MALT1: variants seen among roughly 807,000 people sequenced by gnomAD.
The protein encoded by MALT1 is mucosa-associated lymphoid tissue lymphoma translocation protein 1.
MALT1 carries 36 observed loss-of-function variants against 85.5 expected under a neutral mutation model. That is an observed-to-expected ratio of 0.42 (90% confidence interval 0.32 to 0.56). The LOEUF (loss-of-function observed/expected upper bound fraction) is 0.56. Ranked by LOEUF, MALT1 falls within the 20% of genes least tolerant of loss-of-function variation. The pLI is 0.10. For synonymous variants in MALT1, 359 were observed against 361.3 expected (o/e 0.99, Z 0.07); for missense variants, 716 against 981.6 (o/e 0.73, Z 3.62).
chr18:58,741,790 A>G, intron 13 of MALT1, 75 bp from the exon 14 acceptor site: 1 of 856,316 alleles, frequency 1.2e-6, no homozygotes, highest in Non-Finnish European at 1.7e-6. Flanking sequence ...ATAATGTAGG[A>G]TAGTTCTTAG....
At position 58,750,055 on chromosome 18, in the gene MALT1, A is replaced by C. The variant is rs555876984; in HGVS notation, c.*2213A>C. On this transcript the variant is annotated 3_prime_UTR_variant, in exon 17 of 17. Coordinates refer to ENST00000649217, the MANE Select transcript of MALT1 (RefSeq NM_006785.4). ...AGGTTTATACTGCAAAAGAAGTGAAACTATATGTATTCACAGTTGATACAT... is the reference window on the plus strand; with the variant it reads ...AGGTTTATACTGCAAAAGAAGTGAACCTATATGTATTCACAGTTGATACAT... The C allele has an allele frequency of 5.2e-6, 1 of 194,004 alleles. No homozygotes were observed. Among genetic ancestry groups the C allele is most frequent in the African/African-American group, 2.3e-5 (1 of 43,180 alleles). The allele number at this position is 194,004 out of a possible 1,614,324, so 12.0% of individuals were successfully genotyped here. A position where few individuals can be genotyped will look rare whatever the true frequency, so the allele number is the denominator to read the frequency against.
chr18:58,697,558 A>T (rs2054607961), intron 3 of MALT1, among the ~76,000 whole-genome samples: 1 of 152,180 alleles, frequency 6.6e-6, no homozygotes, highest in South Asian at 2.1e-4. Flanking sequence ...ACCTAAAGGT[A>T]TTTTTTTATC....
rs760569041 is a variant in MALT1 at position 58,733,548 on chromosome 18, G to A, written c.1374G>A (p.Val458=). 12 of 1,605,868 alleles carry A rather than the reference G, an allele frequency of 7.5e-6. No homozygotes were observed. The highest frequency in any genetic ancestry group is 1.1e-5 in the South Asian group (1 of 89,180). ...AAGAAAAAGAAACTGGACTTAATGT[G>A]TTCTTATTGGATATGTGTAGGAAAA... The part of the protein sequence containing the change: ...LMQEKETGLN[V]FLLDMCRKRN... Residue 458 remains valine, a synonymous_variant, in exon 11 of 17, where the codon GTG becomes GTA. Coordinates refer to ENST00000649217, the MANE Select transcript of MALT1 (RefSeq NM_006785.4).
chr18:58,708,053 C>T (rs1473481378), intron 4 of MALT1, among the ~76,000 whole-genome samples: 2 of 152,158 alleles, frequency 1.3e-5, no homozygotes, highest in Non-Finnish European at 2.9e-5. Flanking sequence ...GGGTCTGAGA[C>T]CCCCCTGCCT....
chr18:58,749,380 GGTGTCAGAGCTGAAATT>G lies in MALT1; in HGVS notation c.*1539_*1555del, dbSNP rs1481579647. The stretch of plus-strand genomic sequence containing the variant: ...ACATGCCTGAGGCACCCCCCTAACA[GGTGTCAGAGCTGAAATT>G]CAAACCCCATCCAGCTGGCCCCGGA... On this transcript the variant is annotated 3_prime_UTR_variant, in exon 17 of 17. Coordinates refer to ENST00000649217, the MANE Select transcript of MALT1 (RefSeq NM_006785.4). 9 of 216,672 alleles carry G rather than the reference GGTGTCAGAGCTGAAATT, an allele frequency of 4.2e-5. No homozygotes were observed. Among genetic ancestry groups the G allele is most frequent in the Non-Finnish European group, 6.5e-5 (7 of 107,668 alleles). The allele number at this position is 216,672 out of a possible 1,614,324, so 13.4% of individuals were successfully genotyped here. A position where few individuals can be genotyped will look rare whatever the true frequency, so the allele number is the denominator to read the frequency against.
chr18:58,693,342 C>T (rs564684422), intron 2 of MALT1, among the ~76,000 whole-genome samples: 19 of 152,256 alleles, frequency 1.2e-4, no homozygotes, highest in African/African-American at 4.1e-4. Context: ...GAATTGCTTA[C>T]ACCTGGAAGG....
At chr18:58,727,953 T>C (rs2055087871) in intron 10 of MALT1, among the ~76,000 whole-genome samples, 1 of 152,090 alleles carries the variant, frequency 6.6e-6, no homozygotes, top group Non-Finnish European at 1.5e-5. Flanking sequence ...TAGTGACCTT[T>C]CTTGGAACCG....
chr18:58,752,706 G>A lies in MALT1; in HGVS notation c.*4864G>A, dbSNP rs1949711228. 6.6e-6 allele frequency: 1 copy of A among 152,138 alleles called. No homozygotes were observed. The highest frequency in any genetic ancestry group is 1.5e-5 in the Non-Finnish European group (1 of 68,054). 9.4% of individuals were successfully genotyped at this position (152,138 alleles called of 1,614,324 possible). On this transcript the variant is annotated 3_prime_UTR_variant, in exon 17 of 17. Coordinates refer to ENST00000649217, the MANE Select transcript of MALT1 (RefSeq NM_006785.4). Reference sequence around the variant, plus strand: ...TCCCAGCTACTCAGGAGGCTGAAGTGGGACGATCGCTTGAGCCCAGAAGGC... The same window carrying A: ...TCCCAGCTACTCAGGAGGCTGAAGTAGGACGATCGCTTGAGCCCAGAAGGC...
intron 4 of MALT1, among the ~76,000 whole-genome samples, chr18:58,707,534 T>C (rs897718269): frequency 6.6e-6 from 1 of 152,152 alleles, no homozygotes; most frequent in Admixed American, 6.5e-5. Context: ...CGTTAACCTG[T>C]CATCTACATT....
In MALT1 at chr18:58,710,911, C is replaced by A; in HGVS notation, c.926-10C>A. 6.3e-7 allele frequency: 1 copy of A among 1,584,360 alleles called. No homozygotes were observed. The highest frequency in any genetic ancestry group is 1.4e-5 in the African/African-American group (1 of 73,302). ...TACAATATATTCAAATTTGTTTTTT[C>A]TGAAACAAGGAAGAACAGATGAGGC... On this transcript the variant is annotated splice_polypyrimidine_tract_variant and intron_variant, in intron 6 of 16. Transcript: ENST00000649217.
chr18:58,696,597 T>C (rs1018055575), intron 3 of MALT1, 110 bp downstream of exon 3: 5 of 838,206 alleles, frequency 6.0e-6, no homozygotes, highest in Non-Finnish European at 8.7e-6. Flanking sequence ...AAGAGTCTGA[T>C]AGACATTGCT....
rs557195977 is a variant in MALT1, at chr18:58,745,868, A to T, written c.2037+77A>T. 2.9e-4 allele frequency: 383 copies of T among 1,301,990 alleles called. 2 individuals carry two copies. Among genetic ancestry groups the T allele is most frequent in the Middle Eastern group, 2.7e-3 (14 of 5,274 alleles). 80.7% of individuals were successfully genotyped at this position (1,301,990 alleles called of 1,614,324 possible). On this transcript the variant is annotated intron_variant, in intron 16 of 16. Coordinates refer to ENST00000649217, the MANE Select transcript of MALT1 (RefSeq NM_006785.4). ...AAACTTATTTTGGCATAGACCATAG[A>T]TATGCTGCCTTATTATTAAAGTAGA...
Position 58,748,393 on chromosome 18 carries a change from A to ATAT in MALT1, c.*551_*552insTAT, listed in dbSNP as rs1325792977. ...AGTGAAATATATTTATATATATATAAATATATACAGATACATATCTGTGTA... is the reference window on the plus strand; with the variant it reads ...AGTGAAATATATTTATATATATATAATATATATATACAGATACATATCTGTGTA... On this transcript the variant is annotated 3_prime_UTR_variant, in exon 17 of 17. Coordinates refer to ENST00000649217, the MANE Select transcript of MALT1 (RefSeq NM_006785.4). 47 of 177,966 alleles carry ATAT rather than the reference A, an allele frequency of 2.6e-4. No individual in the cohort carries two copies. Among genetic ancestry groups the ATAT allele is most frequent in the African/African-American group, 9.4e-4 (40 of 42,466 alleles). The allele number at this position is 177,966 out of a possible 1,614,324, so 11.0% of individuals were successfully genotyped here. A position where few individuals can be genotyped will look rare whatever the true frequency, so the allele number is the denominator to read the frequency against.
chr18:58,710,451 A>G (rs1043808554), intron 6 of MALT1, among the ~76,000 whole-genome samples: 3 of 152,054 alleles, frequency 2.0e-5, no homozygotes, highest in African/African-American at 7.2e-5. Context: ...TTGGAGGCCA[A>G]AGGTTGGTGG....
Position 58,681,280 on chromosome 18 carries a change from G to A in MALT1, c.320G>A (p.Ser107Asn). Reference protein sequence around the residue: ...GEKGCTVTELSDFLQAMEHTE... With the variant: ...GEKGCTVTELNDFLQAMEHTE... ...AAAGGTTGCACAGTCACAGAATTGA[G>A]TGATTTCCTGCAGGCTATGGAACAC... The change falls in exon 2 of 17, where the codon AGT becomes AAT. Residue 107 changes from serine (S) to asparagine (N), a missense_variant. Transcript: ENST00000649217. 6.2e-7 allele frequency: 1 copy of A among 1,614,172 alleles called. No individual in the cohort carries two copies. Among genetic ancestry groups the A allele is most frequent in the Non-Finnish European group, 8.5e-7 (1 of 1,180,026 alleles).
intron 9 of MALT1, among the ~76,000 whole-genome samples, chr18:58,722,221 A>G (rs11876116): frequency 1.0e-3 from 155 of 152,066 alleles, no homozygotes; most frequent in African/African-American, 3.3e-3. Context: ...CCTCATAAGC[A>G]CTAAGCTAGG....
At position 58,700,612 on chromosome 18, in the gene MALT1, A is replaced by C. The variant is rs768940563; in HGVS notation, c.649+21A>C. The C allele has an allele frequency of 2.5e-6, 4 of 1,570,178 alleles. No homozygotes were observed. In the East Asian group the frequency reaches 6.9e-5, roughly 27 times the overall value. On this transcript the variant is annotated intron_variant, in intron 4 of 16. Coordinates refer to ENST00000649217, the MANE Select transcript of MALT1 (RefSeq NM_006785.4). ...CCAGAGTAAGTAACGAAAGAAGCTGAATGTTGGGATGGGGATTCCCCATAT... is the reference window on the plus strand; with the variant it reads ...CCAGAGTAAGTAACGAAAGAAGCTGCATGTTGGGATGGGGATTCCCCATAT...
At chr18:58,740,452 T>TA (rs2055286607) in intron 13 of MALT1, among the ~76,000 whole-genome samples, 1 of 152,122 alleles carries the variant, frequency 6.6e-6, no homozygotes, top group African/African-American at 2.4e-5. Context: ...ACATTTCTCT[T>TA]AAAACATCAC....
Position 58,671,686 on chromosome 18 carries a change from G to A in MALT1, c.43G>A (p.Ala15Thr). The A allele has an allele frequency of 1.6e-6, 2 of 1,250,362 alleles. No individual in the cohort carries two copies. The highest frequency in any genetic ancestry group is 2.0e-6 in the Non-Finnish European group (2 of 999,094). 77.5% of individuals were successfully genotyped at this position (1,250,362 alleles called of 1,614,324 possible). ...GDPLQALPPS[A>T]APTGPLLAPP... is the part of the protein sequence containing the mutation. ...CCCGCTACAGGCCCTGCCGCCCTCGGCCGCCCCCACGGGGCCGCTGCTCGC... is the reference window on the plus strand; with the variant it reads ...CCCGCTACAGGCCCTGCCGCCCTCGACCGCCCCCACGGGGCCGCTGCTCGC... The change falls in exon 1 of 17, where the codon GCC (alanine) becomes ACC (threonine). Residue 15 changes from alanine (A) to threonine (T), a missense_variant. Transcript: ENST00000649217.
Sources: gnomAD v4.1 joint callset for allele counts (sites outside exome capture counted in the v4.1 genomes callset) on GRCh38, gnomAD v4.1.1 for gene constraint, MANE v1.5 for transcripts, NCBI Gene and HGNC (gene_info 2026-07-23, HGNC 2026-07-21) for gene names.